BPTF: variants seen among roughly 807,000 people sequenced by gnomAD.
BPTF encodes the protein bromodomain PHD finger transcription factor.
A neutral mutation model predicts 292.5 loss-of-function variants in BPTF; 18 were observed. The ratio of observed to expected loss-of-function variants is 0.06; its 90% CI spans 0.04 to 0.09. The LOEUF (loss-of-function observed/expected upper bound fraction) is 0.09. Ranked by LOEUF, BPTF falls within the 10% of genes least tolerant of loss-of-function variation. The pLI is 1.00. For synonymous variants in BPTF, 1,225 were observed against 1,251.9 expected, an observed-to-expected ratio of 0.98 and a Z score of 0.45; for missense variants, 2,726 against 3,498.7, an observed-to-expected ratio of 0.78 and a Z score of 5.57.
At chr17:67,868,687 A>G (rs776968738) in intron 3 of BPTF, among the ~76,000 whole-genome samples, 4 of 152,346 alleles carry the variant, frequency 2.6e-5, no homozygotes, top group Middle Eastern at 6.8e-3. Context: ...TCTGCTATAC[A>G]TATAATCCTA....
In BPTF at chr17:67,967,536, A is replaced by T. The variant is rs947136796; in HGVS notation, c.8539+880A>T. Among the ~76,000 whole-genome samples the T allele has an allele frequency of 1.2e-4, 18 of 150,934 alleles. No homozygotes were observed. In the East Asian group the frequency reaches 1.6e-3, roughly 13 times the overall value. ...TGGCAGTGTTTATAATTACAAAAACATTGGAAATGGCGGGGTGGCTCACGC... is the reference window on the plus strand; with the variant it reads ...TGGCAGTGTTTATAATTACAAAAACTTTGGAAATGGCGGGGTGGCTCACGC... On this transcript the variant is annotated intron_variant, in intron 26 of 27. Transcript: ENST00000306378.
intron 23 of BPTF, chr17:67,956,974 C>G (rs1409245260): frequency 6.9e-6 from 1 of 145,402 alleles, no homozygotes; most frequent in Non-Finnish European, 1.5e-5. Flanking sequence ...AAAAAATAAA[C>G]AAAAAAAAAG....
rs144879949 is a variant in BPTF, at chr17:67,899,103, A to G, written c.2544-4686A>G. 9.4e-4 allele frequency among the ~76,000 whole-genome samples: 143 copies of G among 152,226 alleles called. 1 individual carries two copies. Among genetic ancestry groups the G allele is most frequent in the African/African-American group, 3.1e-3 (129 of 41,536 alleles). On this transcript the variant is annotated intron_variant, in intron 7 of 27. Transcript: ENST00000306378. ...CCAAAACTGTGGCCAAACTTTTGTAAAATTACAGACCCACAGGGACAAGAG... is the reference window on the plus strand; with the variant it reads ...CCAAAACTGTGGCCAAACTTTTGTAGAATTACAGACCCACAGGGACAAGAG...
chr17:67,984,221 C>T lies in BPTF; in HGVS notation c.*1933C>T, dbSNP rs1456960146. ...ATTCATATATATAAATATATATGGGCTTAATCATTTAAAATTTGTTGCAGC... is the reference window on the plus strand; with the variant it reads ...ATTCATATATATAAATATATATGGGTTTAATCATTTAAAATTTGTTGCAGC... On this transcript the variant is annotated 3_prime_UTR_variant, in exon 28 of 28. Coordinates refer to ENST00000306378, the MANE Select transcript of BPTF (RefSeq NM_182641.4). The T allele has an allele frequency of 7.2e-5, 11 of 152,608 alleles. No individual in the cohort carries two copies. Among genetic ancestry groups the T allele is most frequent in the South Asian group, 2.1e-4 (1 of 4,832 alleles). The allele number at this position is 152,608 out of a possible 1,614,324, so 9.5% of individuals were successfully genotyped here. A position where few individuals can be genotyped will look rare whatever the true frequency, so the allele number is the denominator to read the frequency against.
At chr17:67,893,116 G>A (rs1457776162) in intron 5 of BPTF, 5 of 448,412 alleles carry the variant, frequency 1.1e-5, no homozygotes, top group Admixed American at 4.1e-5. Context: ...CATGAAAGCA[G>A]TGAATAATAG....
intron 20 of BPTF, 33 bp downstream of exon 20, chr17:67,944,405 G>A: frequency 6.2e-7 from 1 of 1,602,400 alleles, no homozygotes; most frequent in Non-Finnish European, 8.5e-7. Flanking sequence ...AATGTCGGAT[G>A]TTACTACTAC....
intron 1 of BPTF, among the ~76,000 whole-genome samples, chr17:67,840,814 C>T (rs776481554): frequency 2.6e-5 from 4 of 151,978 alleles, no homozygotes; most frequent in East Asian, 2.0e-4. Flanking sequence ...CCGCCTGTCT[C>T]GGCCTCCCAA....
intron 14 of BPTF, among the ~76,000 whole-genome samples, chr17:67,923,257 T>C (rs1413404748): frequency 6.6e-6 from 1 of 151,806 alleles, no homozygotes; most frequent in Non-Finnish European, 1.5e-5. Flanking sequence ...GGGGTTTTGC[T>C]ATGTTGTTCA....
intron 18 of BPTF, among the ~76,000 whole-genome samples, chr17:67,938,774 T>C (rs932959523): frequency 6.6e-6 from 1 of 152,136 alleles, no homozygotes; most frequent in Non-Finnish European, 1.5e-5. Context: ...TTTTTTAAAA[T>C]TGCAAGTTTA....
At chr17:67,889,156 A>G (rs756018267) in intron 4 of BPTF, among the ~76,000 whole-genome samples, 41 of 152,308 alleles carry the variant, frequency 2.7e-4, no homozygotes, top group Admixed American at 2.2e-3. Context: ...AGGCTGCATC[A>G]CAAGGATCCA....
chr17:67,890,083 T>C (rs2146219121), intron 4 of BPTF, among the ~76,000 whole-genome samples: 1 of 152,358 alleles, frequency 6.6e-6, no homozygotes, highest in East Asian at 1.9e-4. Context: ...AGACCTACTT[T>C]TGAATTGTAT....
At chr17:67,844,963 G>A (rs980794834) in intron 1 of BPTF, among the ~76,000 whole-genome samples, 5 of 151,914 alleles carry the variant, frequency 3.3e-5, no homozygotes, top group East Asian at 3.9e-4. Flanking sequence ...GGCTGGTCAC[G>A]AACTTCCAAC....
chr17:67,961,542 A>G (rs1356138364), intron 24 of BPTF, among the ~76,000 whole-genome samples: 3 of 152,126 alleles, frequency 2.0e-5, no homozygotes, highest in Non-Finnish European at 4.4e-5. Context: ...ATCATGTGAG[A>G]GTCATAGTTC....
chr17:67,952,469 G>A (rs531127127), intron 23 of BPTF, among the ~76,000 whole-genome samples: 1 of 152,060 alleles, frequency 6.6e-6, no homozygotes, highest in South Asian at 2.1e-4. Context: ...CACCATGTTA[G>A]CCAAGCTGGT....
At chr17:67,896,181 C>G (rs11658927) in intron 7 of BPTF, among the ~76,000 whole-genome samples, 143,477 of 151,466 alleles carry the variant, frequency 0.95, 68,124 homozygotes, top group African/African-American at 0.98. Context: ...CCAGGATGGT[C>G]TCCATCTCCT....
At chr17:67,832,537 A>G (rs1203458763) in intron 1 of BPTF, among the ~76,000 whole-genome samples, 1 of 152,192 alleles carries the variant, frequency 6.6e-6, no homozygotes, top group African/African-American at 2.4e-5. Context: ...TTCAGTTTTT[A>G]AAAGGTAACA....
At chr17:67,946,587 T>G (rs782741201) in intron 21 of BPTF, among the ~76,000 whole-genome samples, 7 of 152,208 alleles carry the variant, frequency 4.6e-5, no homozygotes, top group Non-Finnish European at 8.8e-5. Flanking sequence ...AGAATGGAGT[T>G]ATGAGCTTTA....
intron 4 of BPTF, chr17:67,891,606 C>T (rs1334562597): frequency 8.9e-6 from 3 of 336,492 alleles, no homozygotes; most frequent in Non-Finnish European, 5.3e-6. Context: ...AACAGATAAC[C>T]CAGCATGTTT....
intron 1 of BPTF, among the ~76,000 whole-genome samples, chr17:67,844,533 C>T (rs2057880042): frequency 1.3e-5 from 2 of 151,860 alleles, no homozygotes. Context: ...AGGCGTGAGC[C>T]ACCACGCCCG....
Sources: allele counts gnomAD v4.1 joint callset (sites outside exome capture counted in the v4.1 genomes callset), GRCh38; gene constraint gnomAD v4.1.1; transcripts MANE v1.5; gene names NCBI Gene and HGNC (gene_info 2026-07-23, HGNC 2026-07-21).